Variants in NUFIP1 observed in about 807,000 individuals in gnomAD.
NUFIP1 encodes nuclear FMR1 interacting protein 1.
NUFIP1 carries 38 observed loss-of-function variants against 56.2 expected under a neutral mutation model. That is an observed-to-expected ratio of 0.68 (90% CI 0.52 to 0.89). The LOEUF is 0.89. NUFIP1 is among the 40% of genes least tolerant of loss of function. The pLI, the probability that NUFIP1 is intolerant of heterozygous loss-of-function variation, is 0.00. For synonymous variants in NUFIP1, 215 were observed against 212.4 expected (o/e 1.01, Z -0.10); for missense variants, 567 against 605.8 (o/e 0.94, Z 0.67).
intron 1 of NUFIP1, among the ~76,000 whole-genome samples, chr13:44,986,524 T>C (rs898015342): frequency 1.3e-5 from 2 of 151,856 alleles, no homozygotes; most frequent in African/African-American, 2.4e-5. Flanking sequence ...ACCCCATCTC[T>C]ACTAAAAATA....
chr13:44,979,760 G>A, intron 4 of NUFIP1, 130 bp downstream of exon 4: 1 of 580,036 alleles, frequency 1.7e-6, no homozygotes, highest in East Asian at 3.2e-5. Context: ...TTGAATAAAT[G>A]ATGTCAAAAT....
rs779415937 is a variant in NUFIP1, at chr13:44,982,111, T to C, written c.456A>G (p.Thr152=). The C allele has an allele frequency of 6.6e-7, 1 of 1,510,220 alleles. No homozygotes were observed. The highest frequency in any genetic ancestry group is 1.5e-5 in the South Asian group (1 of 67,338). The allele number at this position is 1,510,220 out of a possible 1,614,324, so 93.6% of individuals were successfully genotyped here. Residue 152 remains threonine (T), a synonymous_variant, in exon 2 of 10, where the codon ACA becomes ACG. Transcript: ENST00000379161. Reference sequence around the variant, plus strand: ...TTCTACTGGGAGGTAAGCTGAAGTCTGTGAATTTTGCATCATACTTTCGTG... The same window carrying C: ...TTCTACTGGGAGGTAAGCTGAAGTCCGTGAATTTTGCATCATACTTTCGTG... ...YYPRKYDAKF[T]DFSLPPSRKQ...
chr13:44,944,282 T>C (rs1424531380), intron 8 of NUFIP1, among the ~76,000 whole-genome samples: 1 of 152,028 alleles, frequency 6.6e-6, no homozygotes, highest in African/African-American at 2.4e-5. Flanking sequence ...ACCAAGCATA[T>C]ACCAATCACA....
intron 8 of NUFIP1, among the ~76,000 whole-genome samples, chr13:44,945,675 T>C (rs1041375060): frequency 6.6e-6 from 1 of 152,064 alleles, no homozygotes; most frequent in Non-Finnish European, 1.5e-5. Context: ...TGAAAATCAA[T>C]TGACATTTCA....
chr13:44,940,001 G>A lies in NUFIP1; in HGVS notation c.*1205C>T, dbSNP rs894224388. 2.0e-5 allele frequency: 3 copies of A among 152,064 alleles called. No homozygotes were observed. The highest frequency in any genetic ancestry group is 2.1e-4 in the South Asian group (1 of 4,820). The allele number at this position is 152,064 out of a possible 1,614,324, so 9.4% of individuals were successfully genotyped here. ...TGAGTTGGTTGGGAATCACATCTTT[G>A]AATATATCAAAATTAAACTGAGTTC... On this transcript the variant is annotated 3_prime_UTR_variant, in exon 10 of 10. Transcript: ENST00000379161.
At chr13:44,953,406 G>A (rs1593359356) in intron 7 of NUFIP1, among the ~76,000 whole-genome samples, 1 of 152,128 alleles carries the variant, frequency 6.6e-6, no homozygotes, top group Admixed American at 6.5e-5. Flanking sequence ...CTCTAATGCT[G>A]ACTTGCTATT....
chr13:44,942,258 A>T (rs2137888711), intron 9 of NUFIP1, among the ~76,000 whole-genome samples: 1 of 152,326 alleles, frequency 6.6e-6, no homozygotes, highest in Admixed American at 6.5e-5. Flanking sequence ...ATTAAAAGAA[A>T]GCTAGAAATC....
At chr13:44,952,532 C>T (rs1298665010) in intron 7 of NUFIP1, among the ~76,000 whole-genome samples, 2 of 152,188 alleles carry the variant, frequency 1.3e-5, no homozygotes, top group Admixed American at 6.5e-5. Flanking sequence ...ATTCATGAAG[C>T]CGAGGGCAAG....
chr13:44,952,144 TTTTTTG>T (rs1370130267), intron 7 of NUFIP1, among the ~76,000 whole-genome samples: 28 of 152,268 alleles, frequency 1.8e-4, no homozygotes, highest in African/African-American at 4.8e-4. Context: ...ATAATTCTGT[TTTTTTG>T]TTTTTGTTTT....
chr13:44,986,341 A>G (rs1399530171), intron 1 of NUFIP1, among the ~76,000 whole-genome samples: 1 of 152,202 alleles, frequency 6.6e-6, no homozygotes, highest in African/African-American at 2.4e-5. Flanking sequence ...GAGGAATTCA[A>G]GACTTCAGTG....
Position 44,949,624 on chromosome 13 carries a change from A to T in NUFIP1, c.1138+98T>A, listed in dbSNP as rs1871017923. On this transcript the variant is annotated intron_variant, in intron 8 of 9. Coordinates refer to ENST00000379161, the MANE Select transcript of NUFIP1 (RefSeq NM_012345.3). ...AATGGAAAAGGAATTTGAAAACCAAATAAAGGATGCACATCCTGGATGTTA... is the reference window on the plus strand; with the variant it reads ...AATGGAAAAGGAATTTGAAAACCAATTAAAGGATGCACATCCTGGATGTTA... 1.0e-5 allele frequency: 7 copies of T among 695,816 alleles called. No individual in the cohort carries two copies. The South Asian group carries it at 1.4e-4, about 14-fold the overall frequency. 43.1% of individuals were successfully genotyped at this position (695,816 alleles called of 1,614,324 possible).
intron 6 of NUFIP1, among the ~76,000 whole-genome samples, chr13:44,964,547 A>C (rs1473707959): frequency 1.3e-5 from 2 of 152,188 alleles, no homozygotes; most frequent in Non-Finnish European, 2.9e-5. Context: ...GAATTGAGGA[A>C]CTGGAGTTGA....
In NUFIP1 at chr13:44,955,865, C is replaced by T. The variant is rs376789114; in HGVS notation, c.1021+3516G>A. 1.6e-4 allele frequency among the ~76,000 whole-genome samples: 25 copies of T among 151,824 alleles called. No individual in the cohort carries two copies. The South Asian group carries it at 4.2e-3, about 25-fold the overall frequency. On this transcript the variant is annotated intron_variant, in intron 7 of 9. Coordinates refer to ENST00000379161, the MANE Select transcript of NUFIP1 (RefSeq NM_012345.3). ...ACACAAAAGAATCTCATATTTTGGC[C>T]GGGCGCGGTGGCTCACGCCTGTAAT...
chr13:44,941,207 T>TC lies in NUFIP1; in HGVS notation c.1486_1487insG (p.Ter496=). The part of the protein sequence containing the change: ...DTNSAKSKDV[*] Reference sequence around the variant, plus strand: ...TATGTATGCTGAAACACCAGATGCCTATACATCTTTACTTTTCGCAGAATT... The same window carrying TC: ...TATGTATGCTGAAACACCAGATGCCTCATACATCTTTACTTTTCGCAGAATT... The change falls in exon 10 of 10, where the codon TAG becomes TGAG. Residue 496 remains the stop codon, a frameshift_variant and stop_retained_variant. Coordinates refer to ENST00000379161, the MANE Select transcript of NUFIP1 (RefSeq NM_012345.3). LOFTEE classifies it high-confidence loss of function. 1 of 1,510,568 alleles carries TC rather than the reference T, an allele frequency of 6.6e-7. No homozygotes were observed. The highest frequency in any genetic ancestry group is 1.1e-5 in the South Asian group (1 of 87,792). 93.6% of individuals were successfully genotyped at this position (1,510,568 alleles called of 1,614,324 possible). A position where few individuals can be genotyped will look rare whatever the true frequency, so the allele number is the denominator to read the frequency against.
chr13:44,957,776 T>C (rs1871292672), intron 7 of NUFIP1, among the ~76,000 whole-genome samples: 1 of 152,148 alleles, frequency 6.6e-6, no homozygotes, highest in African/African-American at 2.4e-5. Context: ...CAACAAAGAC[T>C]ATCCAATATC....
At chr13:44,978,707 C>T (rs1235393326) in intron 5 of NUFIP1, among the ~76,000 whole-genome samples, 1 of 151,964 alleles carries the variant, frequency 6.6e-6, no homozygotes, top group South Asian at 2.1e-4. Flanking sequence ...TCTTATTTAG[C>T]GGTAAGCCTG....
intron 5 of NUFIP1, among the ~76,000 whole-genome samples, chr13:44,974,734 G>A (rs1020246568): frequency 2.6e-5 from 4 of 152,130 alleles, no homozygotes; most frequent in African/African-American, 9.7e-5. Flanking sequence ...TATTTTTGTA[G>A]ATACCAAGGG....
intron 5 of NUFIP1, among the ~76,000 whole-genome samples, chr13:44,975,299 C>T (rs886710610): frequency 6.6e-6 from 1 of 152,144 alleles, no homozygotes; most frequent in African/African-American, 2.4e-5. Context: ...CCAATGCCTA[C>T]TCAACATCTT....
intron 1 of NUFIP1, among the ~76,000 whole-genome samples, chr13:44,986,141 CCA>C (rs1284893386): frequency 6.6e-6 from 1 of 152,098 alleles, no homozygotes; most frequent in African/African-American, 2.4e-5. Context: ...TGAAAGAAAT[CCA>C]CAGTGATTCA....
Sources: gnomAD v4.1 joint callset for allele counts (sites outside exome capture counted in the v4.1 genomes callset) on GRCh38, gnomAD v4.1.1 for gene constraint, MANE v1.5 for transcripts, NCBI Gene and HGNC (gene_info 2026-07-23, HGNC 2026-07-21) for gene names.